UGT2B28: variants seen among roughly 807,000 people sequenced by gnomAD.
UGT2B28 encodes UDP glucuronosyltransferase family 2 member B28, also known as UDP-glucuronosyltransferase 2B28.
UGT2B28 carries 45 observed loss-of-function variants against 43.6 expected under a neutral mutation model. The observed-to-expected ratio is 1.03, with a 90% CI of 0.81 to 1.32. The LOEUF (loss-of-function observed/expected upper bound fraction) is 1.32, where lower values mean the gene tolerates loss of function less well. Ranked by LOEUF, UGT2B28 falls within the 40% of genes most tolerant of loss-of-function variation. UGT2B28 has a pLI of 0.00. For missense variants in UGT2B28, 649 were observed against 625.5 expected, an observed-to-expected ratio of 1.04 and a Z score of -0.40; for synonymous variants, 204 against 208.1, an observed-to-expected ratio of 0.98 and a Z score of 0.17.
Position 69,290,863 on chromosome 4 carries a change from T to G in UGT2B28, c.1310+52T>G, listed in dbSNP as rs531230036. 2.8e-5 allele frequency: 42 copies of G among 1,510,466 alleles called. 5 individuals are homozygous for G. The East Asian group carries it at 3.5e-4, about 13-fold the overall frequency. 93.6% of individuals were successfully genotyped at this position (1,510,466 alleles called of 1,614,324 possible). On this transcript the variant is annotated intron_variant, in intron 5 of 5. Coordinates refer to ENST00000335568, the MANE Select transcript of UGT2B28 (RefSeq NM_053039.2). ...GTGGTATTTGTAGATAGCTTCTCTT[T>G]TCAATAGTGAGCATGAGTTTCATCC...
chr4:69,285,177 C>T (rs1312918954), intron 2 of UGT2B28, among the ~76,000 whole-genome samples: 1 of 138,892 alleles, frequency 7.2e-6, no homozygotes, highest in Non-Finnish European at 1.5e-5. Flanking sequence ...TTGAAATTTT[C>T]TAAATAAGTG....
At chr4:69,291,779 A>G in intron 5 of UGT2B28, among the ~76,000 whole-genome samples, 1 of 140,416 alleles carries the variant, frequency 7.1e-6, no homozygotes, top group Non-Finnish European at 1.5e-5. Flanking sequence ...CTGTATGTTT[A>G]TGAAGAACTG....
At position 69,290,717 on chromosome 4, in the gene UGT2B28, A is replaced by C. The variant is rs146530640; in HGVS notation, c.1216A>C (p.Met406Leu). 106 of 1,559,696 alleles carry C rather than the reference A, an allele frequency of 6.8e-5. 21 individuals carry two copies. The African/African-American group carries it at 1.4e-3, about 21-fold the overall frequency. ...GGATCAACCTGATAACATTGCTCAC[A>C]TGAAGGCCAAGGGAGCAGCTGTTAG... ...FWDQPDNIAH[M>L]KAKGAAVRLD... Residue 406 changes from methionine to leucine, a missense_variant, in exon 5 of 6, where the codon ATG becomes CTG. Physicochemically the swap from Met to Leu is conservative, Grantham distance 15 (BLOSUM62 2). Transcript: ENST00000335568.
At position 69,285,451 on chromosome 4, in the gene UGT2B28, A is replaced by G. The variant is rs187315084; in HGVS notation, c.871-1301A>G. Among the ~76,000 whole-genome samples, 19 of 139,828 alleles carry G rather than the reference A, an allele frequency of 1.4e-4. 5 individuals carry two copies. The highest frequency in any genetic ancestry group is 5.3e-4 in the African/African-American group (19 of 35,726). The allele number at this position is 139,828 out of a possible 152,430, so 91.7% of individuals were successfully genotyped here. A position where few individuals can be genotyped will look rare whatever the true frequency, so the allele number is the denominator to read the frequency against. Reference sequence around the variant, plus strand: ...CACTGGGTAGAAAAACAAGGCTCTGATATCAAGCCAGTGAGATGAAACACT... The same window carrying G: ...CACTGGGTAGAAAAACAAGGCTCTGGTATCAAGCCAGTGAGATGAAACACT... On this transcript the variant is annotated intron_variant, in intron 2 of 5. Transcript: ENST00000335568.
At chr4:69,292,136 T>C (rs1044401913) in intron 5 of UGT2B28, among the ~76,000 whole-genome samples, 3 of 140,816 alleles carry the variant, frequency 2.1e-5, no homozygotes, top group African/African-American at 8.3e-5. Flanking sequence ...TTTTAAATAT[T>C]TTGTCCCATT....
At chr4:69,289,044 CTA>C (rs532952583) in intron 3 of UGT2B28, among the ~76,000 whole-genome samples, 1 of 139,814 alleles carries the variant, frequency 7.2e-6, no homozygotes, top group Non-Finnish European at 1.5e-5. Context: ...AGTACTGCAA[CTA>C]ACATATATTT....
In UGT2B28 at chr4:69,286,382, A is replaced by G. The variant is rs191806644; in HGVS notation, c.871-370A>G. 1.8e-4 allele frequency among the ~76,000 whole-genome samples: 26 copies of G among 140,832 alleles called. 8 individuals are homozygous for G. Among genetic ancestry groups the G allele is most frequent in the African/African-American group, 6.9e-4 (25 of 36,082 alleles). The allele number at this position is 140,832 out of a possible 152,430, so 92.4% of individuals were successfully genotyped here. A position where few individuals can be genotyped will look rare whatever the true frequency, so the allele number is the denominator to read the frequency against. On this transcript the variant is annotated intron_variant, in intron 2 of 5. Transcript: ENST00000335568. ...TAAGTAGAAGAAAAATATAGCATTA[A>G]AGCCTAGTGGTGCCACTTTTCCAAG...
At position 69,294,756 on chromosome 4, in the gene UGT2B28, C is replaced by G. The variant is rs144939965; in HGVS notation, c.1537C>G (p.Leu513Val). 2.3e-5 allele frequency: 36 copies of G among 1,558,676 alleles called. 7 individuals are homozygous for G. In the African/African-American group the frequency reaches 5.3e-4, roughly 23 times the overall value. Residue 513 changes from leucine (L) to valine (V), a missense_variant, in exon 6 of 6, where the codon CTG becomes GTG. Coordinates refer to ENST00000335568, the MANE Select transcript of UGT2B28 (RefSeq NM_053039.2). ...GATATTTGTCGTCACAAAGTTTTGT[C>G]TGTTTTGTTTCTGGAAGTTTGCTAG... ...TVIFVVTKFC[L>V]FCFWKFARKG... is the part of the protein sequence containing the mutation.
Position 69,293,647 on chromosome 4 carries a change from C to T in UGT2B28, c.1311-883C>T, listed in dbSNP as rs1333359596. Among the ~76,000 whole-genome samples, 128 of 139,336 alleles carry T rather than the reference C, an allele frequency of 9.2e-4. 26 individuals carry two copies. The highest frequency in any genetic ancestry group is 3.4e-3 in the African/African-American group (122 of 35,614). The allele number at this position is 139,336 out of a possible 152,430, so 91.4% of individuals were successfully genotyped here. On this transcript the variant is annotated intron_variant, in intron 5 of 5. Transcript: ENST00000335568. Reference sequence around the variant, plus strand: ...TACTCCAAGAGCAGGAGAGAAGGAACAAAATGTGTAAAGTGCTAAGATGAG... The same window carrying T: ...TACTCCAAGAGCAGGAGAGAAGGAATAAAATGTGTAAAGTGCTAAGATGAG...
At chr4:69,287,019 C>T in intron 3 of UGT2B28, 136 bp downstream of exon 3, 2 of 1,382,944 alleles carry the variant, frequency 1.4e-6, no homozygotes, top group South Asian at 3.1e-5. Flanking sequence ...TGTGTAGCTT[C>T]CACCGACACA....
intron 4 of UGT2B28, among the ~76,000 whole-genome samples, chr4:69,290,365 G>T (rs1723915238): frequency 7.2e-6 from 1 of 139,544 alleles, no homozygotes; most frequent in Non-Finnish European, 1.5e-5. Context: ...CTTTTCATTA[G>T]TCCCGCTGAA....
rs182077631 is a variant in UGT2B28 at position 69,285,107 on chromosome 4, G to T, written c.871-1645G>T. Among the ~76,000 whole-genome samples, 21 of 139,332 alleles carry T rather than the reference G, an allele frequency of 1.5e-4. 6 individuals are homozygous for T. The highest frequency in any genetic ancestry group is 5.6e-4 in the African/African-American group (20 of 35,608). The allele number at this position is 139,332 out of a possible 152,430, so 91.4% of individuals were successfully genotyped here. Reference sequence around the variant, plus strand: ...GCCATAGTACAGATAATATGAGTTAGAAAATGATAAATATAACAAGATGGA... The same window carrying T: ...GCCATAGTACAGATAATATGAGTTATAAAATGATAAATATAACAAGATGGA... On this transcript the variant is annotated intron_variant, in intron 2 of 5. Transcript: ENST00000335568.
rs190541961 is a variant in UGT2B28 at position 69,285,582 on chromosome 4, C to G, written c.871-1170C>G. ...AGTAGTACAAGGACTCTCACGTTAA[C>G]GTAAGATTAAAAATCATATTTTAAA... On this transcript the variant is annotated intron_variant, in intron 2 of 5. Coordinates refer to ENST00000335568, the MANE Select transcript of UGT2B28 (RefSeq NM_053039.2). 2.2e-3 allele frequency among the ~76,000 whole-genome samples: 309 copies of G among 140,872 alleles called. 72 individuals are homozygous for G. The highest frequency in any genetic ancestry group is 8.4e-3 in the African/African-American group (303 of 36,120). 92.4% of individuals were successfully genotyped at this position (140,872 alleles called of 152,430 possible).
In UGT2B28 at chr4:69,288,958, T is replaced by C. The variant is rs1293098474; in HGVS notation, c.1003-707T>C. Among the ~76,000 whole-genome samples the C allele has an allele frequency of 2.1e-5, 3 of 140,800 alleles. 1 individual carries two copies. The highest frequency in any genetic ancestry group is 1.4e-4 in the Admixed American group (2 of 14,026). The allele number at this position is 140,800 out of a possible 152,430, so 92.4% of individuals were successfully genotyped here. A position where few individuals can be genotyped will look rare whatever the true frequency, so the allele number is the denominator to read the frequency against. ...TGGCTGCATAATATTCTGTAGTGTA[T>C]ATATGCCATATTTTCTTCATTCAGT... On this transcript the variant is annotated intron_variant, in intron 3 of 5. Coordinates refer to ENST00000335568, the MANE Select transcript of UGT2B28 (RefSeq NM_053039.2).
Position 69,294,755 on chromosome 4 carries a change from T to C in UGT2B28, c.1536T>C (p.Cys512=), listed in dbSNP as rs1560569093. 1.9e-6 allele frequency: 3 copies of C among 1,559,360 alleles called. No homozygotes were observed. The highest frequency in any genetic ancestry group is 4.6e-5 in the East Asian group (2 of 43,502). The part of the protein sequence containing the change: ...ATVIFVVTKF[C]LFCFWKFARK... Reference sequence around the variant, plus strand: ...TGATATTTGTCGTCACAAAGTTTTGTCTGTTTTGTTTCTGGAAGTTTGCTA... The same window carrying C: ...TGATATTTGTCGTCACAAAGTTTTGCCTGTTTTGTTTCTGGAAGTTTGCTA... The change falls in exon 6 of 6, where the codon TGT becomes TGC. Residue 512 remains cysteine (C), a synonymous_variant. Transcript: ENST00000335568.
chr4:69,290,917 T>C, intron 5 of UGT2B28, 106 bp downstream of exon 5: 1 of 1,319,422 alleles, frequency 7.6e-7, no homozygotes, highest in Non-Finnish European at 1.0e-6. Context: ...CTTGAAAGAA[T>C]TTAAATGATT....
chr4:69,283,447 A>G lies in UGT2B28; in HGVS notation c.870+785A>G, dbSNP rs1723681357. Among the ~76,000 whole-genome samples the G allele has an allele frequency of 2.9e-5, 4 of 140,276 alleles. 2 individuals are homozygous for G. The Admixed American group carries it at 2.9e-4, about 10-fold the overall frequency. 92.0% of individuals were successfully genotyped at this position (140,276 alleles called of 152,430 possible). A position where few individuals can be genotyped will look rare whatever the true frequency, so the allele number is the denominator to read the frequency against. On this transcript the variant is annotated intron_variant, in intron 2 of 5. Transcript: ENST00000335568. ...TTTAAGAAGAGCCTCCAAGATATTC[A>G]ATGGATTAAATTACAGAAGGGCCAC...
chr4:69,288,711 G>C (rs13108235), intron 3 of UGT2B28, among the ~76,000 whole-genome samples: 2 of 137,410 alleles, frequency 1.5e-5, no homozygotes, highest in African/African-American at 5.7e-5. Flanking sequence ...ACTAATATTC[G>C]TTTATTATTT....
At position 69,294,475 on chromosome 4, in the gene UGT2B28, C is replaced by T; in HGVS notation, c.1311-55C>T. The T allele has an allele frequency of 4.3e-6, 6 of 1,411,216 alleles. 1 individual carries two copies. The East Asian group carries it at 1.2e-4, about 28-fold the overall frequency. The allele number at this position is 1,411,216 out of a possible 1,614,324, so 87.4% of individuals were successfully genotyped here. On this transcript the variant is annotated intron_variant, in intron 5 of 5. Coordinates refer to ENST00000335568, the MANE Select transcript of UGT2B28 (RefSeq NM_053039.2). ...TTAAAAGCCTTTCATAGACTTGATA[C>T]ATACAGGCCAGTTAACTTACTTTCA...
Sources: gnomAD v4.1 joint callset for allele counts (sites outside exome capture counted in the v4.1 genomes callset) on GRCh38, gnomAD v4.1.1 for gene constraint, MANE v1.5 for transcripts, NCBI Gene and HGNC (gene_info 2026-07-23, HGNC 2026-07-21) for gene names.